Variants in ANKRD31 observed in about 807,000 individuals in gnomAD.
ANKRD31 encodes the protein ankyrin repeat domain 31, also known as ankyrin repeat domain-containing protein 31.
Under a neutral mutation model 186.0 loss-of-function variants are expected in ANKRD31, and 147 were observed. The observed-to-expected ratio is 0.79, with a 90% confidence interval of 0.69 to 0.91. The LOEUF (loss-of-function observed/expected upper bound fraction) is 0.91, where lower values mean the gene tolerates loss of function less well. Ranked by LOEUF, ANKRD31 falls within the 40% of genes least tolerant of loss-of-function variation. The pLI is 0.00. For missense variants in ANKRD31, 1,986 were observed against 2,148.8 expected (o/e 0.92, Z 1.50); for synonymous variants, 673 against 736.4 (o/e 0.91, Z 1.39).
At position 75,223,539 on chromosome 5, in the gene ANKRD31, A is replaced by C. The variant is rs572655612; in HGVS notation, c.179-1181T>G. On this transcript the variant is annotated intron_variant, in intron 2 of 25. Coordinates refer to ENST00000506364, the MANE Select transcript of ANKRD31 (RefSeq NM_001372053.1). ...TTTAACCTTCCAAGTTCATAGAAAA[A>C]TATGCAAAGAAATTACTAGATTTTT... Among the ~76,000 whole-genome samples the C allele has an allele frequency of 3.0e-4, 45 of 152,308 alleles. 1 individual carries two copies. The South Asian group carries it at 9.3e-3, about 32-fold the overall frequency.
At chr5:75,138,111 T>G (rs1453537502) in intron 16 of ANKRD31, 113 bp from the exon 17 acceptor site, 1 of 890,046 alleles carries the variant, frequency 1.1e-6, no homozygotes, top group Admixed American at 3.7e-5. Flanking sequence ...TTGATTCATA[T>G]GTATATACTA....
In ANKRD31 at chr5:75,176,274, G is replaced by A. The variant is rs369804708; in HGVS notation, c.1565-7153C>T. Among the ~76,000 whole-genome samples, 242 of 152,292 alleles carry A rather than the reference G, an allele frequency of 1.6e-3. 2 individuals are homozygous for A. The highest frequency in any genetic ancestry group is 3.4e-3 in the Middle Eastern group (1 of 294). On this transcript the variant is annotated intron_variant, in intron 10 of 25. Transcript: ENST00000506364. ...GTGGAGCCCACCACAGCTCAAGGAC[G>A]CCTGCCTGCCTCTGTAGGCTCTACC...
intron 10 of ANKRD31, among the ~76,000 whole-genome samples, chr5:75,175,092 A>T (rs919183966): frequency 6.6e-6 from 1 of 152,220 alleles, no homozygotes. Flanking sequence ...ACATGAATGA[A>T]GCTGGAAACC....
intron 11 of ANKRD31, among the ~76,000 whole-genome samples, chr5:75,155,693 G>A (rs900499488): frequency 2.0e-5 from 3 of 152,144 alleles, no homozygotes; most frequent in African/African-American, 4.8e-5. Flanking sequence ...TGTATGGAAT[G>A]AGAGGAAGGA....
Position 75,164,529 on chromosome 5 carries a change from A to T in ANKRD31, c.1707+4450T>A, listed in dbSNP as rs72768334. ...ATAAGCAGGCGTCAGAATTCCAAGT[A>T]TTGGGCTACAGAGGAATTGGTAAGT... On this transcript the variant is annotated intron_variant, in intron 11 of 25. Coordinates refer to ENST00000506364, the MANE Select transcript of ANKRD31 (RefSeq NM_001372053.1). Among the ~76,000 whole-genome samples, 727 of 152,268 alleles carry T rather than the reference A, an allele frequency of 4.8e-3. 2 individuals are homozygous for T. The highest frequency in any genetic ancestry group is 6.5e-3 in the Non-Finnish European group (440 of 68,020).
intron 3 of ANKRD31, among the ~76,000 whole-genome samples, chr5:75,213,909 C>T (rs901500015): frequency 2.6e-5 from 4 of 152,196 alleles, no homozygotes; most frequent in Admixed American, 6.5e-5. Context: ...CCAACCAATC[C>T]TGGCTCTCCA....
At chr5:75,163,809 C>T (rs927129849) in intron 11 of ANKRD31, among the ~76,000 whole-genome samples, 6 of 152,094 alleles carry the variant, frequency 3.9e-5, no homozygotes, top group Non-Finnish European at 7.4e-5. Context: ...CCTTAAGGGG[C>T]CTACTGTTTA....
At chr5:75,075,935 C>T (rs1017014793) in intron 25 of ANKRD31, among the ~76,000 whole-genome samples, 1 of 152,312 alleles carries the variant, frequency 6.6e-6, no homozygotes, top group African/African-American at 2.4e-5. Context: ...GTAGTTGATA[C>T]ACGAGGTTCA....
chr5:75,222,499 A>AT, intron 2 of ANKRD31, 141 bp from the exon 3 acceptor site: 3 of 689,754 alleles, frequency 4.3e-6, no homozygotes, highest in Non-Finnish European at 7.1e-6. Flanking sequence ...TTCTAAAAAA[A>AT]AACGAGATAT....
chr5:75,107,531 T>C lies in ANKRD31; in HGVS notation c.4330A>G (p.Lys1444Glu), dbSNP rs900599342. 14 of 1,525,168 alleles carry C rather than the reference T, an allele frequency of 9.2e-6. No individual in the cohort carries two copies. The highest frequency in any genetic ancestry group is 1.2e-5 in the South Asian group (1 of 81,958). 94.5% of individuals were successfully genotyped at this position (1,525,168 alleles called of 1,614,324 possible). ...TCTTTTTCTACTCACCTGTATTTTT[T>C]AGCCAGATCATCCCTTTCTGCTTTC... ...KQKAERDDLA[K>E]KYRVSIESFK... The change falls in exon 21 of 26, where the codon AAA becomes GAA. Residue 1444 changes from lysine (K) to glutamate (E), a missense_variant. Physicochemically the swap from Lys to Glu is moderately conservative, Grantham distance 56. Transcript: ENST00000506364.
At chr5:75,115,224 G>T (rs1748119031) in intron 19 of ANKRD31, among the ~76,000 whole-genome samples, 1 of 150,094 alleles carries the variant, frequency 6.7e-6, no homozygotes, top group Non-Finnish European at 1.5e-5. Context: ...GCTGAAACTG[G>T]ATCCCTTCCT....
chr5:75,194,999 A>T (rs1196245840), intron 7 of ANKRD31, among the ~76,000 whole-genome samples: 1 of 152,148 alleles, frequency 6.6e-6, no homozygotes, highest in Non-Finnish European at 1.5e-5. Context: ...ATTATTTTTA[A>T]AAACAAAGAA....
chr5:75,228,748 A>G (rs2150318185), intron 2 of ANKRD31, among the ~76,000 whole-genome samples: 1 of 152,254 alleles, frequency 6.6e-6, no homozygotes. Flanking sequence ...GACATAGTAA[A>G]GATTTATCCA....
At position 75,104,958 on chromosome 5, in the gene ANKRD31, G is replaced by A. The variant is rs181179046; in HGVS notation, c.4601C>T (p.Pro1534Leu). ...LEHPQSGSLS[P>L]VSGSMQETQL... ...TGTTTCCTGCATGCTTCCAGAAACA[G>A]GAGAAAGTGAACCTGATTGGGGATG... The change falls in exon 22 of 26, where the codon CCT becomes CTT. Residue 1534 changes from proline (P) to leucine (L), a missense_variant. By Grantham distance (98) the Pro-to-Leu change is moderately conservative. Coordinates refer to ENST00000506364, the MANE Select transcript of ANKRD31 (RefSeq NM_001372053.1). 2.0e-4 allele frequency: 304 copies of A among 1,537,144 alleles called. No homozygotes were observed. Among genetic ancestry groups the A allele is most frequent in the Admixed American group, 2.6e-4 (13 of 50,980 alleles).
At chr5:75,178,038 G>T (rs1753959178) in intron 10 of ANKRD31, among the ~76,000 whole-genome samples, 2 of 152,084 alleles carry the variant, frequency 1.3e-5, no homozygotes, top group African/African-American at 4.8e-5. Context: ...GATGGAGGAA[G>T]ATCTACCAAG....
intron 17 of ANKRD31, among the ~76,000 whole-genome samples, chr5:75,120,086 C>T (rs538974838): frequency 8.2e-5 from 12 of 145,998 alleles, no homozygotes; most frequent in Non-Finnish European, 4.6e-5. Context: ...TGTAAAGAAT[C>T]GTTACTAACT....
chr5:75,088,330 T>A (rs905872243), intron 23 of ANKRD31, among the ~76,000 whole-genome samples: 2 of 152,176 alleles, frequency 1.3e-5, no homozygotes, highest in African/African-American at 2.4e-5. Flanking sequence ...CAGGGAGGCA[T>A]CCGGATGGGA....
At chr5:75,179,699 C>T (rs534721031) in intron 10 of ANKRD31, among the ~76,000 whole-genome samples, 2 of 152,298 alleles carry the variant, frequency 1.3e-5, no homozygotes, top group South Asian at 4.1e-4. Flanking sequence ...ATGTTAAAAA[C>T]TCTCAATAAA....
chr5:75,146,656 ACAC>A lies in ANKRD31; in HGVS notation c.2752_2754del (p.Val918del). 1 of 1,536,196 alleles carries A rather than the reference ACAC, an allele frequency of 6.5e-7. No homozygotes were observed. The highest frequency in any genetic ancestry group is 8.7e-7 in the Non-Finnish European group (1 of 1,146,268). On this transcript the variant is annotated inframe_deletion, in exon 14 of 26. Transcript: ENST00000506364. Reference sequence around the variant, plus strand: ...TGTTTTTTGCCACCTGTAGAACACAACACCTTTTTAGATGTTATAGCCTTCTCA... The same window carrying A: ...TGTTTTTTGCCACCTGTAGAACACAACTTTTTAGATGTTATAGCCTTCTCA...
Sources: allele counts gnomAD v4.1 joint callset (sites outside exome capture counted in the v4.1 genomes callset), GRCh38; gene constraint gnomAD v4.1.1; transcripts MANE v1.5; gene names NCBI Gene and HGNC (gene_info 2026-07-23, HGNC 2026-07-21).